The following SIGLEC9 variants were observed in gnomAD, a reference collection of about 807,000 sequenced individuals.
SIGLEC9 encodes the protein sialic acid binding Ig like lectin 9, also known as sialic acid-binding Ig-like lectin 9.
A neutral mutation model predicts 38.3 loss-of-function variants in SIGLEC9; 26 were observed. The observed-to-expected ratio is 0.68, with a 90% confidence interval of 0.50 to 0.94. The LOEUF is 0.94. Ranked by LOEUF, SIGLEC9 falls within the 40% of genes least tolerant of loss-of-function variation. The pLI is 0.00. For synonymous variants in SIGLEC9, 236 were observed against 248.0 expected, an observed-to-expected ratio of 0.95 and a Z score of 0.45; for missense variants, 556 against 585.7, an observed-to-expected ratio of 0.95 and a Z score of 0.52.
At chr19:51,126,662 T>C (rs1319830009) in intron 3 of SIGLEC9, among the ~76,000 whole-genome samples, 1 of 152,100 alleles carries the variant, frequency 6.6e-6, no homozygotes, top group Non-Finnish European at 1.5e-5. Flanking sequence ...TGTGTGTGAG[T>C]CCACTGCATG....
upstream of SIGLEC9, among the ~76,000 whole-genome samples, chr19:51,122,530 G>C (rs1400905567): frequency 6.8e-6 from 1 of 147,786 alleles, no homozygotes; most frequent in East Asian, 2.0e-4. The surrounding 1 kb of genome is among the most constrained non-coding windows in gnomAD (Gnocchi z 4.1). Flanking sequence ...GCAGTGAGCT[G>C]AGATCACGGC....
chr19:51,128,293 C>A, intron 5 of SIGLEC9, 121 bp from the exon 6 acceptor site: 1 of 1,196,900 alleles, frequency 8.4e-7, no homozygotes. Flanking sequence ...AAGACTGGAC[C>A]ACTGCTTTCC....
chr19:51,124,313 C>T (rs1485339503), upstream of SIGLEC9, among the ~76,000 whole-genome samples: 1 of 152,124 alleles, frequency 6.6e-6, no homozygotes, highest in African/African-American at 2.4e-5. Context: ...CTCAGTCCTC[C>T]TGAGATTGAA....
At position 51,130,006 on chromosome 19, in the gene SIGLEC9, T is replaced by C; in HGVS notation, c.1319T>C (p.Met440Thr). The C allele has an allele frequency of 1.2e-6, 2 of 1,614,038 alleles. No homozygotes were observed. The highest frequency in any genetic ancestry group is 1.7e-6 in the Non-Finnish European group (2 of 1,179,976). Residue 440 changes from methionine to threonine, a missense_variant, in exon 7 of 7, where the codon ATG becomes ACG. Met to Thr is a moderately conservative substitution (Grantham distance 81). Coordinates refer to ENST00000250360, the MANE Select transcript of SIGLEC9 (RefSeq NM_014441.3). Reference protein sequence around the residue: ...ELQYASLSFQMVKPWDSRGQE... With the variant: ...ELQYASLSFQTVKPWDSRGQE... Reference sequence around the variant, plus strand: ...CAGTATGCATCCCTCAGCTTCCAGATGGTGAAGCCTTGGGACTCGCGGGGA... The same window carrying C: ...CAGTATGCATCCCTCAGCTTCCAGACGGTGAAGCCTTGGGACTCGCGGGGA...
At position 51,125,588 on chromosome 19, in the gene SIGLEC9, C is replaced by T. The variant is rs770299338; in HGVS notation, c.422-9C>T. ...CTGACCTGATCCTGAGTCCCCCTCT[C>T]TTCACCAGCCTTGACCCACAGGCCC... On this transcript the variant is annotated splice_polypyrimidine_tract_variant and intron_variant, in intron 1 of 6. Coordinates refer to ENST00000250360, the MANE Select transcript of SIGLEC9 (RefSeq NM_014441.3). 3.7e-6 allele frequency: 6 copies of T among 1,608,814 alleles called. No homozygotes were observed. The highest frequency in any genetic ancestry group is 5.1e-6 in the Non-Finnish European group (6 of 1,179,812).
chr19:51,135,153 CATA>C (rs1490374242), downstream of SIGLEC9, among the ~76,000 whole-genome samples: 1 of 152,208 alleles, frequency 6.6e-6, no homozygotes, highest in Non-Finnish European at 1.5e-5. Context: ...ATAGTTGCTT[CATA>C]ATGTCAGTGG....
At chr19:51,123,364 G>A (rs1401879879), upstream of SIGLEC9, among the ~76,000 whole-genome samples, 1 of 152,216 alleles carries the variant, frequency 6.6e-6, no homozygotes, top group Non-Finnish European at 1.5e-5. Context: ...CCCCAGGGGA[G>A]CAGTGCTGAG....
intron 6 of SIGLEC9, among the ~76,000 whole-genome samples, chr19:51,135,752 G>C (rs1315674747): frequency 6.6e-6 from 1 of 152,054 alleles, no homozygotes; most frequent in African/African-American, 2.4e-5. Context: ...ATATTTGTTG[G>C]AGGGTTTTGT....
chr19:51,125,393 C>A lies in SIGLEC9; in HGVS notation c.419C>A (p.Thr140Lys). The A allele has an allele frequency of 1.3e-6, 2 of 1,578,504 alleles. No homozygotes were observed. The highest frequency in any genetic ancestry group is 1.3e-5 in the African/African-American group (1 of 74,378). Residue 140 changes from threonine (T) to lysine (K), a missense_variant and splice_region_variant, in exon 1 of 7, where the codon ACA (threonine) becomes AAA (lysine). Coordinates refer to ENST00000250360, the MANE Select transcript of SIGLEC9 (RefSeq NM_014441.3). ...CATCACCGGCTCTCTGTGAATGTGA[C>A]AGGTAAGGCACAGGCTCCAGGAAAG... is the stretch of plus-strand genomic sequence containing the variant. ...YKHHRLSVNV[T>K]ALTHRPNILI... is the part of the protein sequence containing the mutation.
downstream of SIGLEC9, among the ~76,000 whole-genome samples, chr19:51,130,583 T>G (rs1255386534): frequency 6.6e-6 from 1 of 152,122 alleles, no homozygotes; most frequent in Admixed American, 6.5e-5. Context: ...GCAAATCAGG[T>G]CTAGGTAGCA....
downstream of SIGLEC9, among the ~76,000 whole-genome samples, chr19:51,135,054 C>T (rs541947617): frequency 3.9e-5 from 6 of 152,226 alleles, no homozygotes; most frequent in Admixed American, 6.5e-5. Flanking sequence ...GGACAGCCAG[C>T]GAAAGCATTA....
rs751431084 is a variant in SIGLEC9 at position 51,125,827 on chromosome 19, C to G, written c.652C>G (p.Pro218Ala). 6.8e-6 allele frequency: 11 copies of G among 1,614,052 alleles called. No homozygotes were observed. The highest frequency in any genetic ancestry group is 6.8e-6 in the Non-Finnish European group (8 of 1,180,038). ...CAGCCTCACCTGTCAGGTGACCTTC[C>G]CTGGGGCCAGCGTGACCACGAACAA... ...GTSLTCQVTFPGASVTTNKTV... is the reference protein window; with the variant it reads ...GTSLTCQVTFAGASVTTNKTV... Residue 218 changes from proline (P) to alanine (A), a missense_variant, in exon 2 of 7, where the codon CCT becomes GCT. Pro to Ala is a conservative substitution (Grantham distance 27). Transcript: ENST00000250360.
upstream of SIGLEC9, among the ~76,000 whole-genome samples, chr19:51,122,545 T>G (rs557057766): frequency 3.5e-5 from 5 of 144,538 alleles, no homozygotes; most frequent in Admixed American, 1.4e-4. The surrounding 1 kb of genome is among the most constrained non-coding windows in gnomAD (Gnocchi z 4.1). Flanking sequence ...CACGGCACTG[T>G]ACTCTAGCCT....
At chr19:51,132,397 G>A (rs1023691980), downstream of SIGLEC9, among the ~76,000 whole-genome samples, 1 of 152,158 alleles carries the variant, frequency 6.6e-6, no homozygotes, top group Non-Finnish European at 1.5e-5. Context: ...CTGAGGCACC[G>A]TGTGCGTGTT....
rs1281499197 is a variant in SIGLEC9, at chr19:51,130,113, A to G, written c.*34A>G. Reference sequence around the variant, plus strand: ...AGAGACTCACCCTGATTGAGGGATCACAGCCCCTCCAGGCAAGGGAGAAGT... The same window carrying G: ...AGAGACTCACCCTGATTGAGGGATCGCAGCCCCTCCAGGCAAGGGAGAAGT... On this transcript the variant is annotated 3_prime_UTR_variant, in exon 7 of 7. Transcript: ENST00000250360. 1 of 1,567,296 alleles carries G rather than the reference A, an allele frequency of 6.4e-7. No homozygotes were observed. The highest frequency in any genetic ancestry group is 8.7e-7 in the Non-Finnish European group (1 of 1,155,494).
chr19:51,128,490 G>A lies in SIGLEC9; in HGVS notation c.1183G>A (p.Val395Ile), dbSNP rs750146806. The A allele has an allele frequency of 6.2e-7, 1 of 1,614,110 alleles. No homozygotes were observed. Among genetic ancestry groups the A allele is most frequent in the Non-Finnish European group, 8.5e-7 (1 of 1,179,976 alleles). ...GDTGIEDANA[V>I]RGSASQGPLT... ...TACGGGCATAGAGGATGCAAACGCT[G>A]TCAGGGGTTCAGCCTCTCAGGTGAG... Residue 395 changes from valine (V) to isoleucine (I), a missense_variant, in exon 6 of 7, where the codon GTC becomes ATC. Transcript: ENST00000250360.
Position 51,125,691 on chromosome 19 carries a change from G to A in SIGLEC9, c.516G>A (p.Gln172=). 1.2e-6 allele frequency: 2 copies of A among 1,613,964 alleles called. No homozygotes were observed. Among genetic ancestry groups the A allele is most frequent in the Non-Finnish European group, 1.7e-6 (2 of 1,179,986 alleles). ...GCTCTGTGCCCTGGGCCTGTGAGCA[G>A]GGGACACCCCCTATGATCTCCTGGA... is the stretch of plus-strand genomic sequence containing the variant. The part of the protein sequence containing the change: ...LTCSVPWACE[Q]GTPPMISWIG... Residue 172 remains glutamine (Q), a synonymous_variant, in exon 2 of 7, where the codon CAG becomes CAA. Coordinates refer to ENST00000250360, the MANE Select transcript of SIGLEC9 (RefSeq NM_014441.3).
chr19:51,132,194 T>G (rs1336167530), downstream of SIGLEC9, among the ~76,000 whole-genome samples: 1 of 152,226 alleles, frequency 6.6e-6, no homozygotes, highest in Admixed American at 6.5e-5. Context: ...CTTGCCGTAT[T>G]GTCTGCACAT....
At position 51,125,246 on chromosome 19, in the gene SIGLEC9, T is replaced by C; in HGVS notation, c.272T>C (p.Phe91Ser). 1 of 1,614,018 alleles carries C rather than the reference T, an allele frequency of 6.2e-7. No homozygotes were observed. The highest frequency in any genetic ancestry group is 8.5e-7 in the Non-Finnish European group (1 of 1,179,956). ...RAVWEETRDR[F>S]HLLGDPHTKN... The stretch of plus-strand genomic sequence containing the variant: ...GTGTGGGAGGAGACTCGGGACCGAT[T>C]CCACCTCCTTGGGGACCCACATACC... Residue 91 changes from phenylalanine to serine, a missense_variant, in exon 1 of 7, where the codon TTC becomes TCC. Physicochemically the swap from Phe to Ser is radical, Grantham distance 155. Coordinates refer to ENST00000250360, the MANE Select transcript of SIGLEC9 (RefSeq NM_014441.3).
Sources: gnomAD v4.1 joint callset for allele counts (sites outside exome capture counted in the v4.1 genomes callset) on GRCh38, gnomAD v4.1.1 for gene constraint, Gnocchi (gnomAD v3.1) non-coding constraint, MANE v1.5 for transcripts, NCBI Gene and HGNC (gene_info 2026-07-23, HGNC 2026-07-21) for gene names.